The following STAB1 variants were observed in gnomAD, a reference collection of about 807,000 sequenced individuals.
The protein encoded by STAB1 is stabilin 1.
In STAB1, 250 loss-of-function variants were observed where a neutral mutation model predicts 332.4. The ratio of observed to expected loss-of-function variants is 0.75; its 90% CI spans 0.68 to 0.84. The LOEUF is 0.84. Among genes scored for constraint, STAB1 ranks in the 40% least tolerant of loss-of-function variants. The probability of loss-of-function intolerance (pLI) is 0.00; values close to 1 mark genes in which losing one functional copy is unlikely to be tolerated. For missense variants in STAB1, 3,249 were observed against 3,489.7 expected (o/e 0.93, Z 1.74); for synonymous variants, 1,475 against 1,390.4 (o/e 1.06, Z -1.35).
intron 1 of STAB1, among the ~76,000 whole-genome samples, chr3:52,500,032 C>A (rs1708331275): frequency 6.6e-6 from 1 of 152,086 alleles, no homozygotes; most frequent in South Asian, 2.1e-4. Context: ...AGGGTCACAC[C>A]ACTGCACTCC....
intron 21 of STAB1, among the ~76,000 whole-genome samples, chr3:52,508,789 T>C (rs1709074297): frequency 6.6e-6 from 1 of 151,830 alleles, no homozygotes; most frequent in Non-Finnish European, 1.5e-5. Context: ...ACCACTGCAC[T>C]CCAGCCTGGG....
rs971356264 is a variant in STAB1, at chr3:52,524,308, G to A, written c.7665G>A (p.Leu2555=). 1 of 1,613,940 alleles carries A rather than the reference G, an allele frequency of 6.2e-7. No individual in the cohort carries two copies. Among genetic ancestry groups the A allele is most frequent in the African/African-American group, 1.3e-5 (1 of 75,080 alleles). Residue 2555 remains leucine, a synonymous_variant, in exon 69 of 69, where the codon CTG becomes CTA. Transcript: ENST00000321725. ...DTFCEPFDDS[L]LEEDFPDTQR... is the part of the protein sequence containing the mutation. ...CAACCCTGCTCTTCTAGGACTCACT[G>A]CTGGAGGAGGACTTCCCTGACACCC...
At chr3:52,521,105 G>T (rs950062466) in intron 55 of STAB1, 100 bp downstream of exon 55, 2 of 1,381,744 alleles carry the variant, frequency 1.4e-6, no homozygotes, top group African/African-American at 2.9e-5. Context: ...GGCGTCCAGG[G>T]CTGGGGAGCT....
intron 25 of STAB1, 115 bp downstream of exon 25, chr3:52,510,622 A>G (rs1033329381): frequency 1.3e-5 from 17 of 1,353,400 alleles, no homozygotes; most frequent in Non-Finnish European, 1.6e-5. Flanking sequence ...TCAGGTGCAG[A>G]TGAGAACCCA....
intron 1 of STAB1, among the ~76,000 whole-genome samples, chr3:52,496,749 G>T (rs1398893147): frequency 2.0e-5 from 3 of 152,216 alleles, no homozygotes; most frequent in Non-Finnish European, 4.4e-5. Context: ...TGAGGACAGA[G>T]GTCAGTGAGG....
Position 52,507,950 on chromosome 3 carries a change from G to A in STAB1, c.2072G>A (p.Cys691Tyr). ...SVKLDIFPKE[C>Y]VYIHDPTGLN... ...CCCTAGGACATCTTCCCCAAGGAGT[G>A]TGTCTACATCCATGACCCAACGGGG... The change falls in exon 20 of 69, where the codon TGT becomes TAT. Residue 691 changes from cysteine to tyrosine, a missense_variant. Coordinates refer to ENST00000321725, the MANE Select transcript of STAB1 (RefSeq NM_015136.3). 1 of 1,613,612 alleles carries A rather than the reference G, an allele frequency of 6.2e-7. No homozygotes were observed. The highest frequency in any genetic ancestry group is 8.5e-7 in the Non-Finnish European group (1 of 1,179,956).
chr3:52,524,277 C>T (rs1398373500), intron 68 of STAB1, 23 bp from the exon 69 acceptor site: 4 of 1,613,866 alleles, frequency 2.5e-6, no homozygotes, highest in South Asian at 1.1e-5. Context: ...TCACACCCTC[C>T]ACCACCAACC....
chr3:52,504,795 G>C lies in STAB1; in HGVS notation c.1296G>C (p.Leu432=), dbSNP rs925818722. 1 of 1,613,912 alleles carries C rather than the reference G, an allele frequency of 6.2e-7. No homozygotes were observed. The stretch of plus-strand genomic sequence containing the variant: ...ACATCATCGCAGGGCAGCACATCCT[G>C]GAGGACACAAGGACCCAACAAACAC... The part of the protein sequence containing the change: ...RQHIIAGQHI[L]EDTRTQQTRR... The change falls in exon 12 of 69, where the codon CTG becomes CTC. Residue 432 remains leucine (L), a synonymous_variant. Transcript: ENST00000321725.
In STAB1 at chr3:52,522,430, C is replaced by T. The variant is rs777489197; in HGVS notation, c.6566C>T (p.Pro2189Leu). The T allele has an allele frequency of 1.7e-5, 28 of 1,612,922 alleles. No individual in the cohort carries two copies. Among genetic ancestry groups the T allele is most frequent in the East Asian group, 4.5e-5 (2 of 44,896 alleles). ...PPVDRCLGQP[P>L]PCHSDAMCTD... The stretch of plus-strand genomic sequence containing the variant: ...GTGGACCGCTGCTTGGGCCAGCCAC[C>T]GCCCTGCCACTCAGATGCCATGTGC... The change falls in exon 60 of 69, where the codon CCG becomes CTG. Residue 2189 changes from proline to leucine, a missense_variant. Pro to Leu is a moderately conservative substitution (Grantham distance 98). Coordinates refer to ENST00000321725, the MANE Select transcript of STAB1 (RefSeq NM_015136.3).
In STAB1 at chr3:52,518,707, C is replaced by A; in HGVS notation, c.4888-16C>A. ...CGGCAGTCAGGGACCCCACTCCCCT[C>A]GCGACTCTGCTCCAGGATGAGCTGG... is the stretch of plus-strand genomic sequence containing the variant. On this transcript the variant is annotated splice_polypyrimidine_tract_variant and intron_variant, in intron 47 of 68. Transcript: ENST00000321725. The A allele has an allele frequency of 6.2e-7, 1 of 1,612,144 alleles. No homozygotes were observed. Among genetic ancestry groups the A allele is most frequent in the Non-Finnish European group, 8.5e-7 (1 of 1,179,522 alleles).
At chr3:52,499,346 C>A (rs1430862446) in intron 1 of STAB1, among the ~76,000 whole-genome samples, 1 of 152,238 alleles carries the variant, frequency 6.6e-6, no homozygotes, top group East Asian at 1.9e-4. Context: ...GAATGGGACT[C>A]CAGGCCTGGG....
In STAB1 at chr3:52,495,433, T is replaced by C; in HGVS notation, c.20T>C (p.Leu7Pro). 2 of 1,340,768 alleles carry C rather than the reference T, an allele frequency of 1.5e-6. No homozygotes were observed. Among genetic ancestry groups the C allele is most frequent in the Non-Finnish European group, 1.9e-6 (2 of 1,039,378 alleles). The allele number at this position is 1,340,768 out of a possible 1,614,324, so 83.1% of individuals were successfully genotyped here. The change falls in exon 1 of 69, where the codon CTC becomes CCC. Residue 7 changes from leucine to proline, a missense_variant. Leu to Pro is a moderately conservative substitution (Grantham distance 98, BLOSUM62 -3). Coordinates refer to ENST00000321725, the MANE Select transcript of STAB1 (RefSeq NM_015136.3). Reference protein sequence around the residue: MAGPRGLLPLCLLAFCL... With the variant: MAGPRGPLPLCLLAFCL... ...CCAGCCATGGCGGGGCCCCGGGGCCTCCTCCCACTCTGCCTCCTGGCCTTC... is the reference window on the plus strand; with the variant it reads ...CCAGCCATGGCGGGGCCCCGGGGCCCCCTCCCACTCTGCCTCCTGGCCTTC...
intron 1 of STAB1, among the ~76,000 whole-genome samples, chr3:52,498,811 A>C (rs1178416104): frequency 6.6e-6 from 1 of 152,196 alleles, no homozygotes; most frequent in Non-Finnish European, 1.5e-5. Flanking sequence ...TCAGCCCTCA[A>C]GTTACCCAAT....
Position 52,512,403 on chromosome 3 carries a change from T to C in STAB1, c.2946T>C (p.Gly982=), listed in dbSNP as rs776413630. ...RVCTCPPGFG[G]DGFSCYGDIF... is the part of the protein sequence containing the mutation. Reference sequence around the variant, plus strand: ...GCACGTGCCCCCCTGGCTTTGGGGGTGATGGCTTCAGCTGTTATGGAGACA... The same window carrying C: ...GCACGTGCCCCCCTGGCTTTGGGGGCGATGGCTTCAGCTGTTATGGAGACA... The change falls in exon 27 of 69, where the codon GGT becomes GGC. Residue 982 remains glycine, a synonymous_variant. Coordinates refer to ENST00000321725, the MANE Select transcript of STAB1 (RefSeq NM_015136.3). 1 of 1,609,974 alleles carries C rather than the reference T, an allele frequency of 6.2e-7. No individual in the cohort carries two copies. The highest frequency in any genetic ancestry group is 2.2e-5 in the East Asian group (1 of 44,850).
At chr3:52,495,725 C>T (rs535270884) in intron 1 of STAB1, among the ~76,000 whole-genome samples, 25 of 152,314 alleles carry the variant, frequency 1.6e-4, no homozygotes, top group Admixed American at 5.9e-4. Flanking sequence ...TCTGACTATG[C>T]GGGGCCGGGG....
chr3:52,512,684 A>G (rs1231298840), intron 28 of STAB1, 41 bp downstream of exon 28: 1 of 1,613,128 alleles, frequency 6.2e-7, no homozygotes, highest in African/African-American at 1.3e-5. Context: ...GCTCAAATCC[A>G]GGAGGCCTGC....
In STAB1 at chr3:52,516,772, C is replaced by T; in HGVS notation, c.4363+4C>T. 6.2e-7 allele frequency: 1 copy of T among 1,606,958 alleles called. No homozygotes were observed. Among genetic ancestry groups the T allele is most frequent in the Non-Finnish European group, 8.5e-7 (1 of 1,177,920 alleles). On this transcript the variant is annotated splice_donor_region_variant and intron_variant, in intron 41 of 68. Coordinates refer to ENST00000321725, the MANE Select transcript of STAB1 (RefSeq NM_015136.3). Reference sequence around the variant, plus strand: ...GGCAATGGCATCTTCTGTTCAGGTCCAGCCACACGGATGCCCAGGGCCCTC... The same window carrying T: ...GGCAATGGCATCTTCTGTTCAGGTCTAGCCACACGGATGCCCAGGGCCCTC...
chr3:52,522,634 C>G lies in STAB1; in HGVS notation c.6690C>G (p.Cys2230Trp), dbSNP rs767431392. Residue 2230 changes from cysteine (C) to tryptophan (W), a missense_variant, in exon 61 of 69, where the codon TGC becomes TGG. Transcript: ENST00000321725. The part of the protein sequence containing the change: ...GLNFSEAEAA[C>W]EAQGAVLASF... ...ACTTTTCGGAGGCTGAGGCGGCATG[C>G]GAAGCACAGGGAGCCGTCCTTGCTT... 2.5e-6 allele frequency: 4 copies of G among 1,612,940 alleles called. No homozygotes were observed. The highest frequency in any genetic ancestry group is 3.4e-6 in the Non-Finnish European group (4 of 1,180,024).
At chr3:52,523,813 C>T in intron 66 of STAB1, 57 bp downstream of exon 66, 1 of 1,583,978 alleles carries the variant, frequency 6.3e-7, no homozygotes, top group Non-Finnish European at 8.6e-7. Context: ...ACCTGTGAGC[C>T]CGGGGAAGGT....
Sources: allele counts gnomAD v4.1 joint callset (sites outside exome capture counted in the v4.1 genomes callset), GRCh38; gene constraint gnomAD v4.1.1; transcripts MANE v1.5; gene names NCBI Gene and HGNC (gene_info 2026-07-23, HGNC 2026-07-21).